LARGE1: variants seen among roughly 807,000 people sequenced by gnomAD.
LARGE1 encodes the protein LARGE xylosyl- and glucuronyltransferase 1.
In LARGE1, 43 loss-of-function variants were observed where a neutral mutation model predicts 87.6. The ratio of observed to expected loss-of-function variants is 0.49; its 90% confidence interval spans 0.38 to 0.63. LARGE1 has a LOEUF of 0.63. Ranked by LOEUF, LARGE1 falls within the 30% of genes least tolerant of loss-of-function variation. LARGE1 has a pLI of 0.00. For synonymous variants in LARGE1, 434 were observed against 394.6 expected (o/e 1.10, Z -1.18); for missense variants, 802 against 1,000.2 (o/e 0.80, Z 2.67).
intron 9 of LARGE1, among the ~76,000 whole-genome samples, chr22:33,367,234 G>A (rs148044962): frequency 6.6e-6 from 1 of 152,104 alleles, no homozygotes; most frequent in East Asian, 1.9e-4. Flanking sequence ...AACAATGAGA[G>A]AATGAGTAAG....
intron 2 of LARGE1, among the ~76,000 whole-genome samples, chr22:33,683,568 A>G (rs548625270): frequency 7.3e-5 from 11 of 150,926 alleles, no homozygotes; most frequent in East Asian, 1.9e-4. Context: ...AGGACGGACA[A>G]ACAGACAGAC....
intron 6 of LARGE1, among the ~76,000 whole-genome samples, chr22:33,534,221 G>A (rs955075337): frequency 2.0e-5 from 3 of 152,132 alleles, no homozygotes; most frequent in South Asian, 2.1e-4. Flanking sequence ...TGGCCAGCAC[G>A]GTGAAACCCT....
At chr22:33,434,635 T>G (rs2067199732) in intron 6 of LARGE1, among the ~76,000 whole-genome samples, 1 of 152,212 alleles carries the variant, frequency 6.6e-6, no homozygotes, top group South Asian at 2.1e-4. Flanking sequence ...GGGGTCCATC[T>G]AAATTTCAGG....
chr22:33,305,951 G>A (rs894525241), intron 11 of LARGE1, among the ~76,000 whole-genome samples: 1 of 149,894 alleles, frequency 6.7e-6, no homozygotes, highest in African/African-American at 2.5e-5. Context: ...CCATTCTCCT[G>A]CCTCAGCCTC....
intron 2 of LARGE1, among the ~76,000 whole-genome samples, chr22:33,758,680 G>A (rs1487817108): frequency 1.3e-5 from 2 of 152,182 alleles, no homozygotes; most frequent in Non-Finnish European, 2.9e-5. Context: ...CACCGGCCAC[G>A]ATGGTTCTAA....
At chr22:33,432,574 T>C (rs541695225) in intron 6 of LARGE1, among the ~76,000 whole-genome samples, 122 of 136,986 alleles carry the variant, frequency 8.9e-4, no homozygotes, top group Non-Finnish European at 1.6e-3. Flanking sequence ...CATTCATTCA[T>C]TCATTCATTC....
chr22:33,555,160 T>C (rs775884115), intron 6 of LARGE1, among the ~76,000 whole-genome samples: 2 of 152,180 alleles, frequency 1.3e-5, no homozygotes, highest in Non-Finnish European at 2.9e-5. Flanking sequence ...TTATAAATAA[T>C]CGAGAGATGA....
intron 1 of LARGE1, among the ~76,000 whole-genome samples, chr22:33,787,563 A>G (rs1474500510): frequency 6.6e-6 from 1 of 152,200 alleles, no homozygotes; most frequent in Non-Finnish European, 1.5e-5. Context: ...TCCAGACCCC[A>G]TTCACCACAG....
chr22:33,561,626 G>C (rs1273331994), intron 6 of LARGE1, among the ~76,000 whole-genome samples: 1 of 152,186 alleles, frequency 6.6e-6, no homozygotes. Context: ...TTGGCACCTA[G>C]AAGGAGCTCA....
chr22:33,777,875 T>C (rs1008646773), intron 1 of LARGE1, among the ~76,000 whole-genome samples: 1 of 152,150 alleles, frequency 6.6e-6, no homozygotes, highest in Non-Finnish European at 1.5e-5. Flanking sequence ...GCCCCTGTTT[T>C]GGGGGGCTTT....
chr22:33,129,810 C>T, the LARGE1 span, among the ~76,000 whole-genome samples: 1 of 152,084 alleles, frequency 6.6e-6, no homozygotes, highest in Non-Finnish European at 1.5e-5. Flanking sequence ...TCATGAGACT[C>T]GCTATCACGA....
chr22:33,303,445 A>G (rs982324530), intron 12 of LARGE1, among the ~76,000 whole-genome samples: 1 of 152,130 alleles, frequency 6.6e-6, no homozygotes, highest in Non-Finnish European at 1.5e-5. Flanking sequence ...TGGGGGAGGA[A>G]ATGAGATCCT....
intron 6 of LARGE1, among the ~76,000 whole-genome samples, chr22:33,471,550 C>T (rs1182585596): frequency 3.3e-5 from 5 of 151,966 alleles, no homozygotes; most frequent in East Asian, 1.9e-4. Context: ...TTATTTATTG[C>T]TTATTTCCAA....
intron 1 of LARGE1, among the ~76,000 whole-genome samples, chr22:33,831,215 G>A (rs2062957495): frequency 6.6e-6 from 1 of 151,706 alleles, no homozygotes; most frequent in African/African-American, 2.4e-5. Context: ...CAAAGTGCTG[G>A]GATTACAGGC....
intron 7 of LARGE1, among the ~76,000 whole-genome samples, chr22:33,424,656 C>A (rs1195398430): frequency 6.6e-6 from 1 of 151,768 alleles, no homozygotes; most frequent in African/African-American, 2.4e-5. Flanking sequence ...GAGACCCTGT[C>A]TATATAAAAA....
chr22:33,859,279 C>T (rs1194173515), intron 1 of LARGE1, among the ~76,000 whole-genome samples: 1 of 152,140 alleles, frequency 6.6e-6, no homozygotes, highest in Non-Finnish European at 1.5e-5. Flanking sequence ...ACTGTACTTC[C>T]TAATTTCAGA....
At chr22:33,066,688 A>C in the LARGE1 span, among the ~76,000 whole-genome samples, 2 of 152,210 alleles carry the variant, frequency 1.3e-5, no homozygotes, top group Non-Finnish European at 2.9e-5. Flanking sequence ...GAACCACTTT[A>C]TTCAGATATG....
chr22:33,791,586 T>A (rs780326043), intron 1 of LARGE1, among the ~76,000 whole-genome samples: 2 of 152,250 alleles, frequency 1.3e-5, no homozygotes, highest in Admixed American at 6.5e-5. Flanking sequence ...TGAAAATTCA[T>A]TTGTATGGAA....
At chr22:33,886,672 A>G (rs1468908767) in intron 1 of LARGE1, among the ~76,000 whole-genome samples, 1 of 136,066 alleles carries the variant, frequency 7.3e-6, no homozygotes, top group African/African-American at 2.6e-5. Context: ...AAAAAAAAAA[A>G]AAGAAAAAAA....
Sources: allele counts gnomAD v4.1 joint callset (sites outside exome capture counted in the v4.1 genomes callset), GRCh38; gene constraint gnomAD v4.1.1; transcripts MANE v1.5; gene names NCBI Gene and HGNC (gene_info 2026-07-23, HGNC 2026-07-21).